The following ADAMTS18 variants were observed in gnomAD, a reference collection of about 807,000 sequenced individuals.
ADAMTS18 encodes the protein ADAM metallopeptidase with thrombospondin type 1 motif 18, also known as A disintegrin and metalloproteinase with thrombospondin motifs 18.
In ADAMTS18, 157 loss-of-function variants were observed where a neutral mutation model predicts 165.9. That is an observed-to-expected ratio of 0.95 (90% CI 0.83 to 1.08). ADAMTS18 has a LOEUF of 1.08. ADAMTS18 is among the 50% of genes least tolerant of loss of function. The probability of loss-of-function intolerance (pLI) is 0.00; values close to 1 mark genes in which losing one functional copy is unlikely to be tolerated. For synonymous variants in ADAMTS18, 782 were observed against 578.2 expected (o/e 1.35, Z -5.06); for missense variants, 2,040 against 1,534.0 (o/e 1.33, Z -5.51).
intron 13 of ADAMTS18, 56 bp downstream of exon 13, chr16:77,325,810 C>A: frequency 1.3e-6 from 2 of 1,534,834 alleles, no homozygotes; most frequent in South Asian, 2.3e-5. Flanking sequence ...CTGTATTGGT[C>A]AATCACATTA....
intron 10 of ADAMTS18, among the ~76,000 whole-genome samples, chr16:77,343,074 CTT>C (rs59318924): frequency 4.2e-5 from 6 of 142,370 alleles, no homozygotes; most frequent in Admixed American, 1.4e-4. Flanking sequence ...ACCTTACTTT[CTT>C]TTTTTTTTTT....
At chr16:77,341,682 A>G in intron 11 of ADAMTS18, 22 bp downstream of exon 11, 1 of 1,604,196 alleles carries the variant, frequency 6.2e-7, no homozygotes. Context: ...TGGAGCTAAA[A>G]ACTAACAAGT....
At chr16:77,335,490 C>A (rs1478666896) in intron 12 of ADAMTS18, among the ~76,000 whole-genome samples, 6 of 150,444 alleles carry the variant, frequency 4.0e-5, no homozygotes, top group South Asian at 4.2e-4. Flanking sequence ...GTGGAATGGG[C>A]CTAATAAAGA....
chr16:77,328,313 A>C (rs1280401908), intron 12 of ADAMTS18, among the ~76,000 whole-genome samples: 2 of 152,162 alleles, frequency 1.3e-5, no homozygotes, highest in African/African-American at 4.8e-5. Flanking sequence ...GCCAAAACTC[A>C]ACTATGGATC....
intron 3 of ADAMTS18, among the ~76,000 whole-genome samples, chr16:77,390,636 G>C (rs1487270142): frequency 6.6e-6 from 1 of 151,730 alleles, no homozygotes; most frequent in African/African-American, 2.4e-5. Flanking sequence ...GTTGCAGTGA[G>C]TGGAGATCGC....
At chr16:77,391,289 G>A (rs989946534) in intron 3 of ADAMTS18, among the ~76,000 whole-genome samples, 6 of 152,088 alleles carry the variant, frequency 3.9e-5, no homozygotes, top group African/African-American at 1.4e-4. Flanking sequence ...GATCACCTGA[G>A]GTCAGGAGTT....
At chr16:77,388,825 C>G (rs573786942) in intron 3 of ADAMTS18, among the ~76,000 whole-genome samples, 1 of 152,256 alleles carries the variant, frequency 6.6e-6, no homozygotes, top group South Asian at 2.1e-4. Context: ...TCCCCAGATT[C>G]CTGGTACCAG....
intron 16 of ADAMTS18, among the ~76,000 whole-genome samples, chr16:77,306,844 A>G (rs1387542464): frequency 1.3e-5 from 2 of 152,216 alleles, no homozygotes; most frequent in East Asian, 1.9e-4. Flanking sequence ...CACATAGCTA[A>G]TAAGTCACAG....
rs1317948733 is a variant in ADAMTS18 at position 77,434,479 on chromosome 16, A to G, written c.117T>C (p.Cys39=). Residue 39 remains cysteine (C), a synonymous_variant, in exon 2 of 23, where the codon TGT becomes TGC. Transcript: ENST00000282849. The part of the protein sequence containing the change: ...AKALQLCCLC[C]ASVAAALASD... ...TGGCTAAGGCCGCGGCGACCGACGC[A>G]CAGCAGAGGCAGCACAGCTGGAGCG... is the stretch of plus-strand genomic sequence containing the variant. The G allele has an allele frequency of 6.4e-7, 1 of 1,569,146 alleles. No individual in the cohort carries two copies. The highest frequency in any genetic ancestry group is 8.6e-7 in the Non-Finnish European group (1 of 1,162,076).
chr16:77,391,423 G>A (rs1323733913), intron 3 of ADAMTS18, among the ~76,000 whole-genome samples: 1 of 151,624 alleles, frequency 6.6e-6, no homozygotes, highest in Non-Finnish European at 1.5e-5. Context: ...CCTGGGAGGT[G>A]GAAGTTGCAG....
intron 12 of ADAMTS18, among the ~76,000 whole-genome samples, chr16:77,331,117 T>C (rs972210309): frequency 1.3e-5 from 2 of 152,226 alleles, no homozygotes; most frequent in African/African-American, 4.8e-5. Flanking sequence ...TGAAAATACT[T>C]TAGTGATTAA....
At chr16:77,320,166 C>T in intron 15 of ADAMTS18, 73 bp from the exon 16 acceptor site, 1 of 1,576,024 alleles carries the variant, frequency 6.3e-7, no homozygotes, top group Non-Finnish European at 8.7e-7. Context: ...AATGGCCCGA[C>T]ATGTAGTGTT....
At chr16:77,334,111 G>A (rs1249855837) in intron 12 of ADAMTS18, among the ~76,000 whole-genome samples, 1 of 101,000 alleles carries the variant, frequency 9.9e-6, no homozygotes, top group Non-Finnish European at 1.8e-5. Flanking sequence ...AATATATAGT[G>A]TTATATATTA....
chr16:77,414,312 C>T (rs1047631526), intron 3 of ADAMTS18, among the ~76,000 whole-genome samples: 4 of 152,172 alleles, frequency 2.6e-5, no homozygotes, highest in African/African-American at 9.7e-5. Flanking sequence ...ACCTGTACTG[C>T]CCAAGACAGC....
chr16:77,345,249 C>T (rs2056458895), intron 10 of ADAMTS18, among the ~76,000 whole-genome samples: 2 of 152,222 alleles, frequency 1.3e-5, no homozygotes, highest in East Asian at 3.9e-4. Flanking sequence ...ACAAACTGAA[C>T]ACATCCAAAA....
chr16:77,423,870 C>A (rs1262884419), intron 3 of ADAMTS18, among the ~76,000 whole-genome samples: 1 of 152,020 alleles, frequency 6.6e-6, no homozygotes, highest in Non-Finnish European at 1.5e-5. Flanking sequence ...CTTTAAAAGG[C>A]CTTAAGGCAA....
intron 3 of ADAMTS18, among the ~76,000 whole-genome samples, chr16:77,383,760 C>T (rs1267009449): frequency 6.6e-6 from 1 of 152,124 alleles, no homozygotes; most frequent in Non-Finnish European, 1.5e-5. Flanking sequence ...TCAGGCTGGT[C>T]TTGAACTCCT....
chr16:77,373,108 T>C (rs2056899341), intron 3 of ADAMTS18, among the ~76,000 whole-genome samples: 1 of 152,188 alleles, frequency 6.6e-6, no homozygotes, highest in African/African-American at 2.4e-5. Context: ...TCTTCTCCTA[T>C]CAATTCACTT....
At chr16:77,411,443 C>T (rs1350456638) in intron 3 of ADAMTS18, among the ~76,000 whole-genome samples, 2 of 152,110 alleles carry the variant, frequency 1.3e-5, no homozygotes, top group Non-Finnish European at 2.9e-5. Context: ...AGTAGATAGA[C>T]TTGGACTTTA....
Sources: allele counts gnomAD v4.1 joint callset (sites outside exome capture counted in the v4.1 genomes callset), GRCh38; gene constraint gnomAD v4.1.1; transcripts MANE v1.5; gene names NCBI Gene and HGNC (gene_info 2026-07-23, HGNC 2026-07-21).